The following GPAM variants were observed in gnomAD, a reference collection of about 807,000 sequenced individuals.
The protein encoded by GPAM is glycerol-3-phosphate acyltransferase 1, mitochondrial.
Under a neutral mutation model 105.0 loss-of-function variants are expected in GPAM, and 56 were observed. That is an observed-to-expected ratio of 0.53 (90% confidence interval 0.43 to 0.67). GPAM has a LOEUF of 0.67. GPAM is among the 30% of genes least tolerant of loss of function. GPAM has a pLI of 0.00. For synonymous variants in GPAM, 368 were observed against 354.4 expected (o/e 1.04, Z -0.43); for missense variants, 855 against 989.8 (o/e 0.86, Z 1.83).
chr10:112,160,558 T>A (rs1182791678), intron 16 of GPAM, 46 bp downstream of exon 16: 1 of 1,571,178 alleles, frequency 6.4e-7, no homozygotes, highest in Non-Finnish European at 8.8e-7. Context: ...TTAGGCCTTT[T>A]TATTTTCCAT....
At chr10:112,182,730 C>T (rs1847530689) in intron 2 of GPAM, 64 bp downstream of exon 2, 1 of 152,200 alleles carries the variant, frequency 6.6e-6, no homozygotes, top group Non-Finnish European at 1.5e-5. Flanking sequence ...CACCTATGTC[C>T]TTAAAAATTT....
chr10:112,167,609 C>T (rs1469853442), intron 11 of GPAM, among the ~76,000 whole-genome samples: 2 of 152,150 alleles, frequency 1.3e-5, no homozygotes, highest in East Asian at 1.9e-4. Context: ...AAACCAGATG[C>T]GTACAGACCA....
upstream of GPAM, among the ~76,000 whole-genome samples, chr10:112,185,247 A>G (rs1179459642): frequency 6.6e-6 from 1 of 152,196 alleles, no homozygotes; most frequent in Non-Finnish European, 1.5e-5. Context: ...GAAATTAAAA[A>G]TAACCAACAC....
At chr10:112,160,154 T>C in intron 16 of GPAM, 101 bp from the exon 17 acceptor site, 3 of 1,164,108 alleles carry the variant, frequency 2.6e-6, no homozygotes, top group Admixed American at 1.9e-5. Flanking sequence ...ACATCAAAAA[T>C]AATGGCCTGT....
chr10:112,220,417 T>C, the GPAM span, among the ~76,000 whole-genome samples: 7 of 145,792 alleles, frequency 4.8e-5, no homozygotes, highest in East Asian at 1.3e-3. Flanking sequence ...GGTGGTTTCA[T>C]ACATGCATCT....
chr10:112,171,546 C>G (rs1371964959), intron 9 of GPAM, among the ~76,000 whole-genome samples: 2 of 152,104 alleles, frequency 1.3e-5, no homozygotes, highest in Non-Finnish European at 2.9e-5. Flanking sequence ...ACACAGCTAC[C>G]ACCTCCAGTC....
At chr10:112,167,809 C>G (rs1847245003) in intron 11 of GPAM, among the ~76,000 whole-genome samples, 1 of 152,160 alleles carries the variant, frequency 6.6e-6, no homozygotes, top group Non-Finnish European at 1.5e-5. Flanking sequence ...ATAATTCAAG[C>G]TACATGCCTA....
chr10:112,154,397 T>C (rs1846977416), intron 21 of GPAM: 2 of 581,392 alleles, frequency 3.4e-6, no homozygotes, highest in Admixed American at 6.0e-5. Context: ...TGGGAATAAA[T>C]GTGAAACCAG....
At chr10:112,155,756 T>C in intron 20 of GPAM, 108 bp downstream of exon 20, 1 of 681,436 alleles carries the variant, frequency 1.5e-6, no homozygotes, top group Non-Finnish European at 2.6e-6. Context: ...TCTACGGTGT[T>C]AGAGGTCAGG....
intron 17 of GPAM, 30 bp from the exon 18 acceptor site, chr10:112,158,423 G>A: frequency 7.4e-7 from 1 of 1,350,646 alleles, no homozygotes; most frequent in Non-Finnish European, 1.1e-6. Flanking sequence ...AAATATAAAT[G>A]CCACCATTTT....
intron 1 of GPAM, among the ~76,000 whole-genome samples, chr10:112,197,118 T>C (rs879738071): frequency 5.3e-5 from 8 of 152,374 alleles, no homozygotes; most frequent in Non-Finnish European, 1.0e-4. Context: ...TTTAAATTTC[T>C]AGGTCACCTG....
chr10:112,225,078 A>G, the GPAM span, among the ~76,000 whole-genome samples: 1 of 151,750 alleles, frequency 6.6e-6, no homozygotes, highest in African/African-American at 2.4e-5. Flanking sequence ...TGCCAGCCTC[A>G]CTCCCCAGCA....
At chr10:112,161,163 C>T (rs777324951) in intron 15 of GPAM, among the ~76,000 whole-genome samples, 1 of 152,140 alleles carries the variant, frequency 6.6e-6, no homozygotes, top group Non-Finnish European at 1.5e-5. Flanking sequence ...GTAAGGAGTG[C>T]TTATTTTTTA....
chr10:112,159,802 A>G, intron 17 of GPAM, 109 bp downstream of exon 17: 1 of 1,064,612 alleles, frequency 9.4e-7, no homozygotes, highest in South Asian at 1.3e-5. Flanking sequence ...TGGAATATAA[A>G]GTATCAACAA....
chr10:112,203,521 G>A (rs1250644390), intron 1 of GPAM, among the ~76,000 whole-genome samples: 8 of 152,124 alleles, frequency 5.3e-5, no homozygotes, highest in African/African-American at 1.9e-4. Context: ...CCCTTTCTAA[G>A]CCTTTTTTCT....
the GPAM span, among the ~76,000 whole-genome samples, chr10:112,227,026 C>A: frequency 6.6e-6 from 1 of 152,174 alleles, no homozygotes; most frequent in Non-Finnish European, 1.5e-5. Context: ...ACACGCAAGC[C>A]CTGCCTCAGC....
intron 15 of GPAM, among the ~76,000 whole-genome samples, chr10:112,161,091 T>A (rs563352313): frequency 1.3e-5 from 2 of 152,294 alleles, no homozygotes; most frequent in South Asian, 4.1e-4. Flanking sequence ...GTGAACACTC[T>A]AGCCATGACA....
upstream of GPAM, among the ~76,000 whole-genome samples, chr10:112,218,856 C>T (rs552262270): frequency 6.6e-6 from 1 of 152,284 alleles, no homozygotes; most frequent in Non-Finnish European, 1.5e-5. Context: ...TTTTGGCATG[C>T]TAATGCATTA....
intron 1 of GPAM, among the ~76,000 whole-genome samples, chr10:112,204,998 TCA>T (rs1373925941): frequency 7.1e-5 from 3 of 42,040 alleles, no homozygotes; most frequent in South Asian, 9.3e-4. Flanking sequence ...TGTACAAAAA[TCA>T]CAAGCATTCT....
Sources: gnomAD v4.1 joint callset for allele counts (sites outside exome capture counted in the v4.1 genomes callset) on GRCh38, gnomAD v4.1.1 for gene constraint, MANE v1.5 for transcripts, NCBI Gene and HGNC (gene_info 2026-07-23, HGNC 2026-07-21) for gene names.